Variants in CACNA1D observed in about 807,000 individuals in gnomAD.
The protein encoded by CACNA1D is voltage-dependent L-type calcium channel subunit alpha-1D.
Under a neutral mutation model 257.1 loss-of-function variants are expected in CACNA1D, and 55 were observed. The observed-to-expected ratio is 0.21, with a 90% confidence interval of 0.17 to 0.27. The LOEUF (loss-of-function observed/expected upper bound fraction) is 0.27. Ranked by LOEUF, CACNA1D falls within the 10% of genes least tolerant of loss-of-function variation. The pLI is 1.00. For missense variants in CACNA1D, 1,876 were observed against 2,784.0 expected, an observed-to-expected ratio of 0.67 and a Z score of 7.34; for synonymous variants, 980 against 1,014.9, an observed-to-expected ratio of 0.97 and a Z score of 0.65.
At chr3:53,806,539 TG>T (rs1283432215) in intron 45 of CACNA1D, among the ~76,000 whole-genome samples, 1 of 152,170 alleles carries the variant, frequency 6.6e-6, no homozygotes, top group Non-Finnish European at 1.5e-5. Context: ...TTTGGACATG[TG>T]GGCATTTTGC....
At chr3:53,662,447 C>T (rs1428846268) in intron 5 of CACNA1D, among the ~76,000 whole-genome samples, 1 of 152,224 alleles carries the variant, frequency 6.6e-6, no homozygotes, top group Non-Finnish European at 1.5e-5. Flanking sequence ...TTCTCTTTCC[C>T]TGTCCTTCCG....
At chr3:53,691,266 A>C (rs995372309) in intron 8 of CACNA1D, among the ~76,000 whole-genome samples, 1 of 151,832 alleles carries the variant, frequency 6.6e-6, no homozygotes, top group African/African-American at 2.4e-5. Flanking sequence ...CAGCCTCCCA[A>C]GTAGTTGGGA....
At chr3:53,787,469 G>GTGTGTGTGTGTGTGT (rs2095461405) in intron 40 of CACNA1D, among the ~76,000 whole-genome samples, 1 of 135,996 alleles carries the variant, frequency 7.4e-6, no homozygotes, top group African/African-American at 2.8e-5. Context: ...ATGTATGTGT[G>GTGTGTGTGTGTGTGT]GTGTGTCTGT....
Position 53,506,215 on chromosome 3 carries a change from T to C in CACNA1D, c.483+4495T>C, listed in dbSNP as rs143210947. ...GTCTATTCTTCTCAGACAGCTCATA[T>C]GCTGCTTCTTCCCTTCAGCCTTCTC... On this transcript the variant is annotated intron_variant, in intron 3 of 47. Coordinates refer to ENST00000350061, the MANE Select transcript of CACNA1D (RefSeq NM_001128840.3). Among the ~76,000 whole-genome samples, 52 of 152,346 alleles carry C rather than the reference T, an allele frequency of 3.4e-4. No homozygotes were observed. In the East Asian group the frequency reaches 9.3e-3, roughly 27 times the overall value.
intron 8 of CACNA1D, among the ~76,000 whole-genome samples, chr3:53,693,461 AT>A (rs10576296): frequency 0.21 from 30,350 of 142,390 alleles, 3,037 homozygotes; most frequent in Middle Eastern, 0.32. Flanking sequence ...CATTGCTGTT[AT>A]TTTTTTTTTT....
At chr3:53,565,336 A>G (rs1219239771) in intron 3 of CACNA1D, among the ~76,000 whole-genome samples, 2 of 152,314 alleles carry the variant, frequency 1.3e-5, no homozygotes, top group Non-Finnish European at 2.9e-5. Flanking sequence ...TGTAACACAC[A>G]CACACACACA....
At chr3:53,561,122 G>A (rs1575873842) in intron 3 of CACNA1D, among the ~76,000 whole-genome samples, 1 of 152,110 alleles carries the variant, frequency 6.6e-6, no homozygotes, top group African/African-American at 2.4e-5. Context: ...GCACAGAGAG[G>A]ACTGCTAGCA....
intron 4 of CACNA1D, 149 bp downstream of exon 4, chr3:53,651,067 A>G (rs2094086772): frequency 2.8e-6 from 2 of 711,138 alleles, no homozygotes; most frequent in Non-Finnish European, 2.5e-6. Flanking sequence ...AGTTCTTTTA[A>G]GGCTGGTGAT....
chr3:53,666,026 TG>T (rs1262622353), intron 6 of CACNA1D, among the ~76,000 whole-genome samples: 1 of 152,166 alleles, frequency 6.6e-6, no homozygotes, highest in East Asian at 1.9e-4. Context: ...TAATGTGTCC[TG>T]GCAAACAAGA....
At chr3:53,643,301 C>G (rs543618348) in intron 3 of CACNA1D, among the ~76,000 whole-genome samples, 2 of 152,080 alleles carry the variant, frequency 1.3e-5, no homozygotes, top group African/African-American at 4.8e-5. Context: ...CCAAGCATCT[C>G]TGAGCCGACG....
chr3:53,659,059 G>C (rs2094176819), intron 4 of CACNA1D, among the ~76,000 whole-genome samples: 1 of 152,174 alleles, frequency 6.6e-6, no homozygotes. Flanking sequence ...CCTTTTCTTT[G>C]TTGCTGGGCC....
intron 3 of CACNA1D, among the ~76,000 whole-genome samples, chr3:53,589,871 C>A (rs1227671812): frequency 1.3e-5 from 2 of 152,184 alleles, no homozygotes; most frequent in African/African-American, 4.8e-5. Context: ...CACTTGCATA[C>A]CCTGGGCCTC....
At chr3:53,743,235 T>G in intron 22 of CACNA1D, 118 bp downstream of exon 22, 1 of 704,596 alleles carries the variant, frequency 1.4e-6, no homozygotes, top group South Asian at 1.7e-5. Flanking sequence ...TTATATAGGT[T>G]TATTTAATTT....
intron 3 of CACNA1D, among the ~76,000 whole-genome samples, chr3:53,594,978 G>A (rs988071957): frequency 6.6e-6 from 1 of 152,212 alleles, no homozygotes; most frequent in African/African-American, 2.4e-5. Context: ...CAGGCATTAG[G>A]CATGGTGGGA....
intron 3 of CACNA1D, among the ~76,000 whole-genome samples, chr3:53,566,319 C>T (rs2092835150): frequency 6.6e-6 from 1 of 152,124 alleles, no homozygotes; most frequent in Admixed American, 6.5e-5. Flanking sequence ...ATGCCAGGCA[C>T]CCTTTCACCC....
intron 11 of CACNA1D, among the ~76,000 whole-genome samples, chr3:53,720,003 G>A (rs1363672254): frequency 1.3e-5 from 2 of 152,070 alleles, no homozygotes; most frequent in East Asian, 1.9e-4. Flanking sequence ...ACTCAGTAAC[G>A]AGTTTTGCCT....
Position 53,800,800 on chromosome 3 carries a change from G to A in CACNA1D, c.5041-258G>A. On this transcript the variant is annotated intron_variant, in intron 41 of 47. Coordinates refer to ENST00000350061, the MANE Select transcript of CACNA1D (RefSeq NM_001128840.3). This position sits in a 1 kb window ranked among gnomAD's most constrained non-coding sequence, Gnocchi z 4.3. ...TGGGTATAAGTCACCCCAACTTGGAGCAACTGGAAGAGCACACTCGAGTGA... is the reference window on the plus strand; with the variant it reads ...TGGGTATAAGTCACCCCAACTTGGAACAACTGGAAGAGCACACTCGAGTGA... The A allele has an allele frequency of 1.8e-6, 1 of 570,344 alleles. No individual in the cohort carries two copies. The highest frequency in any genetic ancestry group is 3.1e-6 in the Non-Finnish European group (1 of 318,756). 35.3% of individuals were successfully genotyped at this position (570,344 alleles called of 1,614,324 possible). A position where few individuals can be genotyped will look rare whatever the true frequency, so the allele number is the denominator to read the frequency against.
intron 3 of CACNA1D, among the ~76,000 whole-genome samples, chr3:53,648,039 A>C (rs978498630): frequency 1.3e-5 from 2 of 152,198 alleles, no homozygotes; most frequent in African/African-American, 2.4e-5. Context: ...ATTGTGGCAA[A>C]ATTTCTTCTA....
At chr3:53,595,939 G>C (rs190737074) in intron 3 of CACNA1D, among the ~76,000 whole-genome samples, 1 of 152,042 alleles carries the variant, frequency 6.6e-6, no homozygotes, top group African/African-American at 2.4e-5. Flanking sequence ...ATTAAATTAT[G>C]GCATCTGTTG....
Sources: gnomAD v4.1 joint callset for allele counts (sites outside exome capture counted in the v4.1 genomes callset) on GRCh38, gnomAD v4.1.1 for gene constraint, Gnocchi (gnomAD v3.1) non-coding constraint, MANE v1.5 for transcripts, NCBI Gene and HGNC (gene_info 2026-07-23, HGNC 2026-07-21) for gene names.